DGKB: variants seen among roughly 807,000 people sequenced by gnomAD.
The protein encoded by DGKB is diacylglycerol kinase beta, also known as 90 kDa diacylglycerol kinase.
DGKB carries 67 observed loss-of-function variants against 114.3 expected under a neutral mutation model. The observed-to-expected ratio is 0.59, with a 90% CI of 0.48 to 0.72. DGKB has a LOEUF of 0.72. Among genes scored for constraint, DGKB ranks in the 30% least tolerant of loss-of-function variants. The pLI is 0.00. For synonymous variants in DGKB, 398 were observed against 323.1 expected (o/e 1.23, Z -2.49); for missense variants, 907 against 975.2 (o/e 0.93, Z 0.93).
At chr7:14,407,418 C>T (rs1044239585) in intron 21 of DGKB, among the ~76,000 whole-genome samples, 7 of 152,026 alleles carry the variant, frequency 4.6e-5, no homozygotes, top group African/African-American at 1.2e-4. Context: ...GACCATGTTG[C>T]TCCACGGTGT....
At chr7:14,632,730 A>C (rs763504931) in intron 13 of DGKB, among the ~76,000 whole-genome samples, 15 of 151,836 alleles carry the variant, frequency 9.9e-5, no homozygotes, top group Non-Finnish European at 1.9e-4. Context: ...CAGAGTTCTC[A>C]TTTAAGATGA....
intron 21 of DGKB, among the ~76,000 whole-genome samples, chr7:14,366,953 T>G (rs1054742714): frequency 1.3e-5 from 2 of 152,108 alleles, no homozygotes; most frequent in African/African-American, 4.8e-5. Context: ...GGTCTCCAAT[T>G]TACATGGCTC....
At chr7:14,300,647 G>A (rs1337946114) in intron 23 of DGKB, among the ~76,000 whole-genome samples, 2 of 151,868 alleles carry the variant, frequency 1.3e-5, no homozygotes, top group Admixed American at 1.3e-4. Flanking sequence ...AGATCTTTTT[G>A]TTGGTTTTTT....
chr7:14,500,470 CTTTAT>C (rs1785986563), intron 20 of DGKB, among the ~76,000 whole-genome samples: 1 of 141,520 alleles, frequency 7.1e-6, no homozygotes, highest in Non-Finnish European at 1.5e-5. Flanking sequence ...TAAAAAGTTT[CTTTAT>C]TTTTTTTTTT....
At chr7:14,702,639 T>C (rs565713554) in intron 6 of DGKB, among the ~76,000 whole-genome samples, 2 of 152,208 alleles carry the variant, frequency 1.3e-5, no homozygotes, top group Admixed American at 6.5e-5. Context: ...GCTGTAAAAA[T>C]AGAAGAATGG....
In DGKB at chr7:14,303,182, A is replaced by G. The variant is rs545002667; in HGVS notation, c.2122+35333T>C. ...ATTTCTTTCAGGGACATTATACACAAAGGAAAGTAAATGTTTTAGTTCAGG... is the reference window on the plus strand; with the variant it reads ...ATTTCTTTCAGGGACATTATACACAGAGGAAAGTAAATGTTTTAGTTCAGG... On this transcript the variant is annotated intron_variant, in intron 23 of 25. Coordinates refer to ENST00000402815, the MANE Select transcript of DGKB (RefSeq NM_001350709.2). Among the ~76,000 whole-genome samples the G allele has an allele frequency of 2.0e-5, 3 of 152,174 alleles. No homozygotes were observed. The South Asian group carries it at 6.2e-4, about 32-fold the overall frequency.
chr7:14,733,957 T>C (rs1481883895), intron 5 of DGKB, among the ~76,000 whole-genome samples: 1 of 152,086 alleles, frequency 6.6e-6, no homozygotes, highest in East Asian at 1.9e-4. Flanking sequence ...TATTTCTTAA[T>C]TACATGTTCT....
At position 14,617,137 on chromosome 7, in the gene DGKB, GC is replaced by G. The variant is rs1806693156; in HGVS notation, c.1285-3725del. Among the ~76,000 whole-genome samples, 7 of 151,600 alleles carry G rather than the reference GC, an allele frequency of 4.6e-5. No homozygotes were observed. In the South Asian group the frequency reaches 1.2e-3, roughly 27 times the overall value. On this transcript the variant is annotated intron_variant, in intron 15 of 25. Transcript: ENST00000402815. ...AATGATCTCATCTTATCTGATGGCT[GC>G]CATCAATGCCTTTCACTCCCAAATT...
intron 20 of DGKB, among the ~76,000 whole-genome samples, chr7:14,519,061 G>T (rs911868596): frequency 6.6e-6 from 1 of 151,992 alleles, no homozygotes; most frequent in Admixed American, 6.6e-5. Context: ...AATAAATTAT[G>T]AGCCACTATT....
At chr7:14,217,732 A>ACTAT (rs1264503037) in intron 23 of DGKB, among the ~76,000 whole-genome samples, 1 of 152,084 alleles carries the variant, frequency 6.6e-6, no homozygotes, top group African/African-American at 2.4e-5. Context: ...TGGAGCTCAA[A>ACTAT]CTATCTAGTC....
chr7:14,246,156 C>G (rs1348596762), intron 23 of DGKB, among the ~76,000 whole-genome samples: 1 of 152,000 alleles, frequency 6.6e-6, no homozygotes, highest in Non-Finnish European at 1.5e-5. Flanking sequence ...CTAGGTTTCT[C>G]TATATATTAC....
chr7:14,681,273 T>A (rs1464308131), intron 12 of DGKB, among the ~76,000 whole-genome samples: 2 of 152,146 alleles, frequency 1.3e-5, no homozygotes, highest in African/African-American at 2.4e-5. Flanking sequence ...TAAAAAACTA[T>A]CTTTCATAAT....
intron 2 of DGKB, among the ~76,000 whole-genome samples, chr7:14,834,727 C>T (rs1846908881): frequency 6.6e-6 from 1 of 152,148 alleles, no homozygotes. Context: ...ATTTTTCAGA[C>T]ATGGCATGAT....
At chr7:14,357,633 G>A (rs1220700055) in intron 21 of DGKB, among the ~76,000 whole-genome samples, 1 of 152,114 alleles carries the variant, frequency 6.6e-6, no homozygotes, top group African/African-American at 2.4e-5. Context: ...ATTTGATCCT[G>A]TCATTATGAT....
intron 2 of DGKB, among the ~76,000 whole-genome samples, chr7:14,808,477 G>C (rs561701743): frequency 1.3e-5 from 2 of 151,998 alleles, no homozygotes; most frequent in East Asian, 3.9e-4. Flanking sequence ...AATGTAATAA[G>C]ATAAGATTAA....
chr7:14,408,354 A>T (rs1824297095), intron 21 of DGKB, among the ~76,000 whole-genome samples: 1 of 152,232 alleles, frequency 6.6e-6, no homozygotes, highest in Non-Finnish European at 1.5e-5. Flanking sequence ...GAATAAGGAC[A>T]TTTCTGAAAT....
intron 4 of DGKB, among the ~76,000 whole-genome samples, chr7:14,741,618 G>A (rs1197489257): frequency 6.6e-6 from 1 of 152,174 alleles, no homozygotes; most frequent in African/African-American, 2.4e-5. Flanking sequence ...ATTCTCTCCT[G>A]CTCCATGAAC....
intron 21 of DGKB, among the ~76,000 whole-genome samples, chr7:14,465,427 G>A (rs1833695143): frequency 1.3e-5 from 2 of 152,284 alleles, no homozygotes; most frequent in South Asian, 2.1e-4. Flanking sequence ...GAGTCAGAAT[G>A]TCCTGGGAAT....
chr7:14,708,466 T>C (rs1452071803), intron 6 of DGKB, among the ~76,000 whole-genome samples: 5 of 146,868 alleles, frequency 3.4e-5, no homozygotes, highest in Non-Finnish European at 7.4e-5. Context: ...AAAAACTACT[T>C]TAAAGTTCAT....
Sources: allele counts gnomAD v4.1 joint callset (sites outside exome capture counted in the v4.1 genomes callset), GRCh38; gene constraint gnomAD v4.1.1; transcripts MANE v1.5; gene names NCBI Gene and HGNC (gene_info 2026-07-23, HGNC 2026-07-21).